PTPRD: variants seen among roughly 807,000 people sequenced by gnomAD.
PTPRD encodes the protein protein tyrosine phosphatase receptor type D.
Under a neutral mutation model 214.5 loss-of-function variants are expected in PTPRD, and 34 were observed. That is an observed-to-expected ratio of 0.16 (90% CI 0.12 to 0.21). The LOEUF is 0.21. Ranked by LOEUF, PTPRD falls within the 10% of genes least tolerant of loss-of-function variation. The pLI, the probability that PTPRD is intolerant of heterozygous loss-of-function variation, is 1.00. For synonymous variants in PTPRD, 1,128 were observed against 845.7 expected (o/e 1.33, Z -5.79); for missense variants, 2,545 against 2,398.7 (o/e 1.06, Z -1.27).
chr9:9,058,029 G>A (rs641509), intron 10 of PTPRD, among the ~76,000 whole-genome samples: 1 of 152,202 alleles, frequency 6.6e-6, no homozygotes, highest in African/African-American at 2.4e-5. Flanking sequence ...CTATTGTTTA[G>A]AAAGGCAATT....
At chr9:9,721,432 C>G (rs1468939094) in intron 7 of PTPRD, among the ~76,000 whole-genome samples, 2 of 151,954 alleles carry the variant, frequency 1.3e-5, no homozygotes, top group East Asian at 3.9e-4. Flanking sequence ...TAAGAATATG[C>G]CACAATAAAG....
At chr9:8,875,366 A>T (rs1041095931) in intron 11 of PTPRD, among the ~76,000 whole-genome samples, 12 of 150,634 alleles carry the variant, frequency 8.0e-5, no homozygotes, top group East Asian at 2.0e-4. Flanking sequence ...TACAAAAATA[A>T]TTTTTTTTTT....
At chr9:9,687,468 G>A (rs2097185582) in intron 7 of PTPRD, among the ~76,000 whole-genome samples, 1 of 151,822 alleles carries the variant, frequency 6.6e-6, no homozygotes, top group South Asian at 2.1e-4. Context: ...CCAAATGTCA[G>A]ACACCAGTTA....
chr9:10,433,486 G>C (rs1188354307), intron 2 of PTPRD, among the ~76,000 whole-genome samples: 1 of 151,820 alleles, frequency 6.6e-6, no homozygotes, highest in African/African-American at 2.4e-5. Context: ...TCTGCTCTTT[G>C]CATTTCAGTT....
chr9:9,440,362 T>C (rs763512751), intron 8 of PTPRD, among the ~76,000 whole-genome samples: 3 of 152,188 alleles, frequency 2.0e-5, no homozygotes, highest in Non-Finnish European at 4.4e-5. Flanking sequence ...TCTTCATAAT[T>C]CAGGCTTATT....
chr9:10,265,710 G>A (rs986728401), intron 3 of PTPRD, among the ~76,000 whole-genome samples: 3 of 152,108 alleles, frequency 2.0e-5, no homozygotes, highest in African/African-American at 7.2e-5. Flanking sequence ...AAATAAATAA[G>A]GAAACAAATA....
At chr9:8,760,009 T>C (rs2094308019) in intron 11 of PTPRD, among the ~76,000 whole-genome samples, 1 of 152,212 alleles carries the variant, frequency 6.6e-6, no homozygotes, top group South Asian at 2.1e-4. Flanking sequence ...AAGATTATTG[T>C]AATCTCCTCA....
chr9:8,355,808 G>A (rs532942063), intron 39 of PTPRD, among the ~76,000 whole-genome samples: 1 of 152,300 alleles, frequency 6.6e-6, no homozygotes, highest in East Asian at 1.9e-4. Context: ...TCTGGGGTGG[G>A]ACCAAAGATT....
At chr9:10,602,153 A>G (rs1405685009) in intron 2 of PTPRD, among the ~76,000 whole-genome samples, 1 of 151,814 alleles carries the variant, frequency 6.6e-6, no homozygotes, top group Non-Finnish European at 1.5e-5. Context: ...GTGCTTTGCC[A>G]TCTTGTGGTA....
intron 8 of PTPRD, among the ~76,000 whole-genome samples, chr9:9,545,337 T>G (rs1228455973): frequency 2.6e-5 from 4 of 151,816 alleles, no homozygotes; most frequent in African/African-American, 7.2e-5. Context: ...TGACAACTAC[T>G]GATATTTTTA....
At position 8,485,891 on chromosome 9, in the gene PTPRD, C is replaced by G. The variant is rs2135920884; in HGVS notation, c.2926G>C (p.Asp976His). Residue 976 changes from aspartate (D) to histidine (H), a missense_variant, in exon 28 of 46, where the codon GAC becomes CAC. By Grantham distance (81) the Asp-to-His change is moderately conservative. Transcript: ENST00000381196. The stretch of plus-strand genomic sequence containing the variant: ...AAGCCAGTGAGTGTCATAGTGGTGT[C>G]AGCTGGAACAATAAGCTGCTCCATC... ...LPMEQLIVPA[D>H]TTMTLTGLKP... The G allele has an allele frequency of 6.2e-7, 1 of 1,614,116 alleles. No homozygotes were observed.
intron 10 of PTPRD, among the ~76,000 whole-genome samples, chr9:9,112,403 A>ACTGCT (rs1159532001): frequency 6.6e-6 from 1 of 152,080 alleles, no homozygotes; most frequent in African/African-American, 2.4e-5. Context: ...CAGATCACTG[A>ACTGCT]CTGCTCGCTG....
intron 10 of PTPRD, among the ~76,000 whole-genome samples, chr9:9,155,681 CT>C (rs2099880584): frequency 6.6e-6 from 1 of 152,092 alleles, no homozygotes; most frequent in Non-Finnish European, 1.5e-5. Context: ...CATAAAGGTG[CT>C]GCCTGGGCCA....
chr9:8,463,205 C>T lies in PTPRD; in HGVS notation c.3714+2261G>A, dbSNP rs375687511. ...GTATACTACTCTTCTCTCTCATTTT[C>T]GTCATTGTGCCCAGGAAAGAGACTG... On this transcript the variant is annotated intron_variant, in intron 32 of 45. Coordinates refer to ENST00000381196, the MANE Select transcript of PTPRD (RefSeq NM_002839.4). Among the ~76,000 whole-genome samples, 10 of 149,102 alleles carry T rather than the reference C, an allele frequency of 6.7e-5. No homozygotes were observed. In the East Asian group the frequency reaches 1.0e-3, roughly 15 times the overall value.
At chr9:8,554,846 C>T (rs866492130) in intron 14 of PTPRD, among the ~76,000 whole-genome samples, 13 of 152,206 alleles carry the variant, frequency 8.5e-5, no homozygotes, top group Middle Eastern at 3.4e-3. Context: ...TGTTTTTATA[C>T]GCTTTCTATC....
At chr9:9,597,059 AG>A (rs2154334338) in intron 7 of PTPRD, among the ~76,000 whole-genome samples, 1 of 152,154 alleles carries the variant, frequency 6.6e-6, no homozygotes, top group African/African-American at 2.4e-5. Flanking sequence ...GCTGCAGGTA[AG>A]AAGTTCCCAG....
At chr9:10,102,364 CA>C (rs2098558903) in intron 3 of PTPRD, among the ~76,000 whole-genome samples, 1 of 151,350 alleles carries the variant, frequency 6.6e-6, no homozygotes, top group Non-Finnish European at 1.5e-5. Context: ...AAACAAAAAT[CA>C]GGTACAGAAA....
Position 10,026,231 on chromosome 9 carries a change from G to C in PTPRD, c.-472+7487C>G, listed in dbSNP as rs542131365. On this transcript the variant is annotated intron_variant, in intron 4 of 45. Transcript: ENST00000381196. The stretch of plus-strand genomic sequence containing the variant: ...GCCAAACATTCTAAAACTGCCTTTG[G>C]CTAGCTGGAGGAGGAGAAATAGTAC... Among the ~76,000 whole-genome samples, 176 of 152,246 alleles carry C rather than the reference G, an allele frequency of 1.2e-3. 1 individual carries two copies. Among genetic ancestry groups the C allele is most frequent in the African/African-American group, 4.1e-3 (172 of 41,552 alleles).
chr9:9,045,156 T>A (rs914860919), intron 10 of PTPRD, among the ~76,000 whole-genome samples: 1 of 152,154 alleles, frequency 6.6e-6, no homozygotes, highest in Non-Finnish European at 1.5e-5. Flanking sequence ...CCTAGGGGAT[T>A]TTAGAGCACT....
Sources: allele counts gnomAD v4.1 joint callset (sites outside exome capture counted in the v4.1 genomes callset), GRCh38; gene constraint gnomAD v4.1.1; transcripts MANE v1.5; gene names NCBI Gene and HGNC (gene_info 2026-07-23, HGNC 2026-07-21).